Variants in KLK1 observed in about 807,000 individuals in gnomAD.
KLK1 encodes kallikrein-1.
A neutral mutation model predicts 23.3 loss-of-function variants in KLK1; 22 were observed. The observed-to-expected ratio is 0.95, with a 90% CI of 0.68 to 1.35. The LOEUF (loss-of-function observed/expected upper bound fraction) is 1.35. KLK1 is among the 40% of genes most tolerant of loss of function. KLK1 has a pLI of 0.00. For missense variants in KLK1, 301 were observed against 338.9 expected (o/e 0.89, Z 0.88); for synonymous variants, 140 against 135.8 (o/e 1.03, Z -0.21).
Position 50,823,544 on chromosome 19 carries a change from G to A in KLK1, c.46+159C>T, listed in dbSNP as rs186805343. On this transcript the variant is annotated intron_variant, in intron 1 of 4. Coordinates refer to ENST00000301420, the MANE Select transcript of KLK1 (RefSeq NM_002257.4). ...GGGTGGAAGTTTAGGGTGGGGCCGC[G>A]CAAGATAGATAAGAGCCGGGGCACC... Among the ~76,000 whole-genome samples the A allele has an allele frequency of 1.8e-3, 276 of 151,772 alleles. 1 individual carries two copies. Among genetic ancestry groups the A allele is most frequent in the African/African-American group, 6.4e-3 (263 of 41,356 alleles).
At chr19:50,819,540 C>T (rs916328701) in intron 4 of KLK1, among the ~76,000 whole-genome samples, 191 bp from the exon 5 acceptor site, 2 of 152,208 alleles carry the variant, frequency 1.3e-5, no homozygotes, top group African/African-American at 4.8e-5. Flanking sequence ...AGCTCCTGCA[C>T]ATGGGGCAGG....
chr19:50,823,640 G>C (rs1027741109), intron 1 of KLK1, 63 bp downstream of exon 1: 1 of 1,103,680 alleles, frequency 9.1e-7, no homozygotes, highest in Non-Finnish European at 1.4e-6. Flanking sequence ...TATCGGGGGG[G>C]GATGTGAGGC....
Position 50,821,627 on chromosome 19 carries a change from G to A in KLK1, c.206+85C>T, listed in dbSNP as rs1378267766. Reference sequence around the variant, plus strand: ...CTGCCTCAGCCCCCCAGTCTTGCCTGAGGTTATCCAAGGGGAATGCCACTG... The same window carrying A: ...CTGCCTCAGCCCCCCAGTCTTGCCTAAGGTTATCCAAGGGGAATGCCACTG... On this transcript the variant is annotated intron_variant, in intron 2 of 4. Transcript: ENST00000301420. The surrounding 1 kb of genome is among the most constrained non-coding windows in gnomAD (Gnocchi z 5.6). 2.1e-6 allele frequency: 3 copies of A among 1,457,210 alleles called. No homozygotes were observed. The highest frequency in any genetic ancestry group is 2.7e-6 in the Non-Finnish European group (3 of 1,099,818). The allele number at this position is 1,457,210 out of a possible 1,614,324, so 90.3% of individuals were successfully genotyped here.
chr19:50,819,947 GTCTGTCACCTTCTGGACGTGGGCTTTTTT>G lies in KLK1; in HGVS notation c.556_584del (p.Lys186LeufsTer18), dbSNP rs770934716. The G allele has an allele frequency of 3.2e-5, 51 of 1,614,088 alleles. No individual in the cohort carries two copies. Among genetic ancestry groups the G allele is most frequent in the Middle Eastern group, 1.6e-4 (1 of 6,084 alleles). ...CCAGGTGTCCGACACACAGCATGAA[GTCTGTCACCTTCTGGACGTGGGCTTTTTT>G]GCACTCATCATTAGGCAGGATTTTG... On this transcript the variant is annotated frameshift_variant, in exon 4 of 5. Transcript: ENST00000301420. LOFTEE classifies it low-confidence loss of function (END_TRUNC).
chr19:50,822,267 G>C, intron 1 of KLK1: 1 of 1,003,356 alleles, frequency 1.0e-6, no homozygotes, highest in Non-Finnish European at 1.2e-6. Flanking sequence ...CCAAGGGTGG[G>C]ACAGGATCAG....
In KLK1 at chr19:50,819,195, C is replaced by G. The variant is rs1452151083; in HGVS notation, c.788G>C (p.Ter263SerextTer10). The change falls in exon 5 of 5, where the codon TGA becomes TCA. Residue 263 changes from the stop codon to serine (S), a stop_lost. Transcript: ENST00000301420. ...WIEDTIAENS[*>S] The stretch of plus-strand genomic sequence containing the variant: ...GGGGTAGGGGACAGGGCTGGGCGTT[C>G]AGGAGTTCTCCGCTATGGTGTCCTC... 6.2e-7 allele frequency: 1 copy of G among 1,611,084 alleles called. No homozygotes were observed. Among genetic ancestry groups the G allele is most frequent in the African/African-American group, 1.3e-5 (1 of 74,868 alleles).
In KLK1 at chr19:50,820,358, G is replaced by A; in HGVS notation, c.292C>T (p.His98Tyr). ...AGGAGGCTCATGTTGAAGCCAGGGT[G>A]TGGGAAGCTCTCACTGACATGAACA... ...QFVHVSESFP[H>Y]PGFNMSLLEN... Residue 98 changes from histidine to tyrosine, a missense_variant, in exon 3 of 5, where the codon CAC becomes TAC. Transcript: ENST00000301420. The A allele has an allele frequency of 6.2e-7, 1 of 1,614,022 alleles. No individual in the cohort carries two copies. The highest frequency in any genetic ancestry group is 8.5e-7 in the Non-Finnish European group (1 of 1,180,020).
intron 1 of KLK1, chr19:50,822,877 T>A: frequency 3.0e-6 from 3 of 984,938 alleles, no homozygotes; most frequent in Non-Finnish European, 3.6e-6. Flanking sequence ...ACATACTGAC[T>A]TGGGGGAGGC....
chr19:50,822,912 G>A lies in KLK1; in HGVS notation c.46+791C>T, dbSNP rs1287157126. On this transcript the variant is annotated intron_variant, in intron 1 of 4. Coordinates refer to ENST00000301420, the MANE Select transcript of KLK1 (RefSeq NM_002257.4). ...CCAGGGCAGAAGCGCTGGCTGAGAA[G>A]GCATTCAGGATCCTTGGGGTGGGGT... is the stretch of plus-strand genomic sequence containing the variant. 7.1e-6 allele frequency: 7 copies of A among 985,320 alleles called. No homozygotes were observed. The African/African-American group carries it at 1.0e-4, about 15-fold the overall frequency. 61.0% of individuals were successfully genotyped at this position (985,320 alleles called of 1,614,324 possible). A position where few individuals can be genotyped will look rare whatever the true frequency, so the allele number is the denominator to read the frequency against.
rs1389810374 is a variant in KLK1, at chr19:50,821,711, C to T, written c.206+1G>A. 2 of 1,605,164 alleles carry T rather than the reference C, an allele frequency of 1.2e-6. No homozygotes were observed. The highest frequency in any genetic ancestry group is 1.7e-6 in the Non-Finnish European group (2 of 1,175,010). The stretch of plus-strand genomic sequence containing the variant: ...CTCCCAGACCCCAGGCCCCTACTCA[C>T]TCGCTGATGCAATGAGCAGCTGTGA... On this transcript the variant is annotated splice_donor_variant, in intron 2 of 4. Transcript: ENST00000301420. LOFTEE classifies it high-confidence loss of function. This position sits in a 1 kb window ranked among gnomAD's most constrained non-coding sequence, Gnocchi z 5.6.
In KLK1 at chr19:50,823,094, AC is replaced by A. The variant is rs747216077; in HGVS notation, c.46+608del. On this transcript the variant is annotated intron_variant, in intron 1 of 4. Transcript: ENST00000301420. ...GCTGGGTGGGAAGGGACATTTGCAG[AC>A]CCCCCCCCATACCAGATGGGGGATC... is the stretch of plus-strand genomic sequence containing the variant. 1.5e-3 allele frequency: 228 copies of A among 155,256 alleles called. 1 individual carries two copies. Among genetic ancestry groups the A allele is most frequent in the South Asian group, 8.2e-3 (39 of 4,758 alleles). The allele number at this position is 155,256 out of a possible 1,614,324, so 9.6% of individuals were successfully genotyped here. A position where few individuals can be genotyped will look rare whatever the true frequency, so the allele number is the denominator to read the frequency against.
Position 50,821,584 on chromosome 19 carries a change from G to T in KLK1, c.206+128C>A. The stretch of plus-strand genomic sequence containing the variant: ...CCAGCTCTGCCCTGCCAGGCGACCT[G>T]CGCCAGAGCCTTCCTCTCTGCCTCA... On this transcript the variant is annotated intron_variant, in intron 2 of 4. Coordinates refer to ENST00000301420, the MANE Select transcript of KLK1 (RefSeq NM_002257.4). This position sits in a 1 kb window ranked among gnomAD's most constrained non-coding sequence, Gnocchi z 5.6. 1 of 1,322,552 alleles carries T rather than the reference G, an allele frequency of 7.6e-7. No individual in the cohort carries two copies. 81.9% of individuals were successfully genotyped at this position (1,322,552 alleles called of 1,614,324 possible). A position where few individuals can be genotyped will look rare whatever the true frequency, so the allele number is the denominator to read the frequency against.
At chr19:50,819,696 C>T (rs1465848076) in intron 4 of KLK1, among the ~76,000 whole-genome samples, 1 of 147,614 alleles carries the variant, frequency 6.8e-6, no homozygotes, top group African/African-American at 2.5e-5. Flanking sequence ...CCACGAGGAA[C>T]GGTGAACTCT....
In KLK1 at chr19:50,823,561, C is replaced by T. The variant is rs770253512; in HGVS notation, c.46+142G>A. ...GGGGCCGCGCAAGATAGATAAGAGC[C>T]GGGGCACCCCGGACTAGGATAGACT... is the stretch of plus-strand genomic sequence containing the variant. On this transcript the variant is annotated intron_variant, in intron 1 of 4. Coordinates refer to ENST00000301420, the MANE Select transcript of KLK1 (RefSeq NM_002257.4). 67 of 526,850 alleles carry T rather than the reference C, an allele frequency of 1.3e-4. 1 individual carries two copies. The East Asian group carries it at 1.4e-3, about 11-fold the overall frequency. 32.6% of individuals were successfully genotyped at this position (526,850 alleles called of 1,614,324 possible).
Position 50,819,170 on chromosome 19 carries a change from G to A in KLK1, c.*24C>T, listed in dbSNP as rs1021973941. 10 of 1,586,938 alleles carry A rather than the reference G, an allele frequency of 6.3e-6. No homozygotes were observed. Among genetic ancestry groups the A allele is most frequent in the East Asian group, 2.3e-5 (1 of 44,336 alleles). Reference sequence around the variant, plus strand: ...ATTGGATGCACATTTGATTTTACTGGGGGTAGGGGACAGGGCTGGGCGTTC... The same window carrying A: ...ATTGGATGCACATTTGATTTTACTGAGGGTAGGGGACAGGGCTGGGCGTTC... On this transcript the variant is annotated 3_prime_UTR_variant, in exon 5 of 5. Transcript: ENST00000301420.
chr19:50,823,135 G>T (rs2123391205), intron 1 of KLK1, among the ~76,000 whole-genome samples: 1 of 152,204 alleles, frequency 6.6e-6, no homozygotes, highest in African/African-American at 2.4e-5. Context: ...ATGCCAGTTT[G>T]GGAAGCAGGG....
rs2089831255 is a variant in KLK1, at chr19:50,821,966, C to G, written c.47-95G>C. 1 of 1,491,674 alleles carries G rather than the reference C, an allele frequency of 6.7e-7. No individual in the cohort carries two copies. Among genetic ancestry groups the G allele is most frequent in the South Asian group, 1.4e-5 (1 of 73,466 alleles). 92.4% of individuals were successfully genotyped at this position (1,491,674 alleles called of 1,614,324 possible). On this transcript the variant is annotated intron_variant, in intron 1 of 4. Coordinates refer to ENST00000301420, the MANE Select transcript of KLK1 (RefSeq NM_002257.4). The surrounding 1 kb of genome is among the most constrained non-coding windows in gnomAD (Gnocchi z 5.6). ...GAGCTGGGCTGTGGGTCTGAAGGGA[C>G]ATTGCGGGTAGAGGACCAGGGCTGG... is the stretch of plus-strand genomic sequence containing the variant.
In KLK1 at chr19:50,823,782, G is replaced by A. The variant is rs1267852878; in HGVS notation, c.-34C>T. 6 of 1,591,644 alleles carry A rather than the reference G, an allele frequency of 3.8e-6. No homozygotes were observed. Among genetic ancestry groups the A allele is most frequent in the Non-Finnish European group, 8.6e-7 (1 of 1,161,824 alleles). ...AGGTGTCCAGGGGCCAGCAGGTGGA[G>A]GAACTGGGGAACCTCCCTGGGGAGG... On this transcript the variant is annotated 5_prime_UTR_variant, in exon 1 of 5. Coordinates refer to ENST00000301420, the MANE Select transcript of KLK1 (RefSeq NM_002257.4).
rs756423422 is a variant in KLK1, at chr19:50,820,179, G to T, written c.471C>A (p.Gly157=). The T allele has an allele frequency of 1.2e-6, 2 of 1,605,656 alleles. No homozygotes were observed. The highest frequency in any genetic ancestry group is 2.2e-5 in the South Asian group (2 of 90,246). The change falls in exon 3 of 5, where the codon GGC becomes GGA. Residue 157 remains glycine, a synonymous_variant. Transcript: ENST00000301420. The part of the protein sequence containing the change: ...PEVGSTCLAS[G]WGSIEPENFS... ...AATTCTCTGGTTCGATGCTGCCCCA[G>T]CCGGAAGCCAAACAGGTGCTCCCCA...
Sources: gnomAD v4.1 joint callset for allele counts (sites outside exome capture counted in the v4.1 genomes callset) on GRCh38, gnomAD v4.1.1 for gene constraint, Gnocchi (gnomAD v3.1) non-coding constraint, MANE v1.5 for transcripts, NCBI Gene and HGNC (gene_info 2026-07-23, HGNC 2026-07-21) for gene names.